Variants in MCCC1 observed in about 807,000 individuals in gnomAD.
MCCC1 encodes methylcrotonyl-CoA carboxylase subunit 1.
A neutral mutation model predicts 83.8 loss-of-function variants in MCCC1; 64 were observed. That is an observed-to-expected ratio of 0.76 (90% CI 0.62 to 0.94). MCCC1 has a LOEUF of 0.94. MCCC1 is among the 40% of genes least tolerant of loss of function. The pLI is 0.00. For synonymous variants in MCCC1, 322 were observed against 315.4 expected (o/e 1.02, Z -0.22); for missense variants, 807 against 904.7 (o/e 0.89, Z 1.39).
intron 1 of MCCC1, among the ~76,000 whole-genome samples, chr3:183,113,151 G>A: frequency 6.6e-6 from 1 of 150,574 alleles, no homozygotes; most frequent in Non-Finnish European, 1.5e-5. Flanking sequence ...TTGAACCCGG[G>A]AGGCAGAGAT....
intron 7 of MCCC1, among the ~76,000 whole-genome samples, chr3:183,058,114 C>CA (rs140309171): frequency 6.6e-6 from 1 of 152,092 alleles, no homozygotes; most frequent in East Asian, 1.9e-4. Flanking sequence ...TTGACTACAT[C>CA]AAAATTACAA....
chr3:183,050,623 T>C (rs1714894487), intron 9 of MCCC1, among the ~76,000 whole-genome samples: 1 of 150,852 alleles, frequency 6.6e-6, no homozygotes, highest in Non-Finnish European at 1.5e-5. Context: ...GGAGAATCAT[T>C]TGAACCTGGG....
At chr3:183,022,651 C>T in intron 15 of MCCC1, 97 bp from the exon 16 acceptor site, 2 of 1,100,062 alleles carry the variant, frequency 1.8e-6, no homozygotes, top group East Asian at 5.2e-5. Context: ...AGTTTTAAAA[C>T]ATAAAATGTG....
chr3:183,105,280 G>T (rs895010758), intron 1 of MCCC1, among the ~76,000 whole-genome samples: 1 of 152,126 alleles, frequency 6.6e-6, no homozygotes. Context: ...GGAGGTAAAG[G>T]TTGCAGTGAG....
At chr3:183,052,466 G>C (rs886301818) in intron 8 of MCCC1, among the ~76,000 whole-genome samples, 5 of 152,158 alleles carry the variant, frequency 3.3e-5, no homozygotes, top group African/African-American at 1.2e-4. Flanking sequence ...CATGTGTTTT[G>C]TGGTGAGGCT....
intron 1 of MCCC1, among the ~76,000 whole-genome samples, chr3:183,097,265 T>G (rs1307906754): frequency 1.3e-5 from 2 of 151,490 alleles, no homozygotes; most frequent in Non-Finnish European, 2.9e-5. Flanking sequence ...AAAAAGAAGC[T>G]GCTTCCCTGA....
At position 183,015,285 on chromosome 3, in the gene MCCC1, A is replaced by G; in HGVS notation, c.*153T>C. The G allele has an allele frequency of 2.5e-6, 2 of 795,452 alleles. No homozygotes were observed. The highest frequency in any genetic ancestry group is 4.4e-6 in the Non-Finnish European group (2 of 453,542). 49.3% of individuals were successfully genotyped at this position (795,452 alleles called of 1,614,324 possible). On this transcript the variant is annotated 3_prime_UTR_variant, in exon 19 of 19. Coordinates refer to ENST00000265594, the MANE Select transcript of MCCC1 (RefSeq NM_020166.5). ...TATTTTGAGATAATTAGTGACCCAAATGCATGATTCTCCAATATGAAAGGT... is the reference window on the plus strand; with the variant it reads ...TATTTTGAGATAATTAGTGACCCAAGTGCATGATTCTCCAATATGAAAGGT...
chr3:183,114,257 T>C lies in MCCC1; in HGVS notation c.-102+1217A>G, dbSNP rs1719551765. Among the ~76,000 whole-genome samples, 4 of 152,202 alleles carry C rather than the reference T, an allele frequency of 2.6e-5. No homozygotes were observed. In the South Asian group the frequency reaches 8.3e-4, roughly 32 times the overall value. ...TGTAACCATTTATCCTTTTACCTTT[T>C]TGACTACTTAACTTCTGTAAAATTG... On this transcript the variant is annotated intron_variant, in intron 1 of 17. Coordinates refer to the MCCC1 transcript ENST00000492597.
At position 183,037,308 on chromosome 3, in the gene MCCC1, C is replaced by G. The variant is rs753826892; in HGVS notation, c.1504G>C (p.Ala502Pro). The change falls in exon 13 of 19, where the codon GCT becomes CCT. Residue 502 changes from alanine (A) to proline (P), a missense_variant. By Grantham distance (27) the Ala-to-Pro change is conservative (BLOSUM62 -1). Coordinates refer to ENST00000265594, the MANE Select transcript of MCCC1 (RefSeq NM_020166.5). The stretch of plus-strand genomic sequence containing the variant: ...TGGCATAAAGACTCTTTGGCTGCAG[C>G]CTTCCGACTGAGCAACAACTGTTTG... ...HHKQLLLSRK[A>P]AAKESLCQAA... is the part of the protein sequence containing the mutation. 3.7e-6 allele frequency: 6 copies of G among 1,613,998 alleles called. No individual in the cohort carries two copies. The highest frequency in any genetic ancestry group is 3.3e-5 in the South Asian group (3 of 91,092).
chr3:183,071,195 C>A lies in MCCC1; in HGVS notation c.639+15G>T. 6.2e-7 allele frequency: 1 copy of A among 1,614,104 alleles called. No individual in the cohort carries two copies. Among genetic ancestry groups the A allele is most frequent in the Non-Finnish European group, 8.5e-7 (1 of 1,179,972 alleles). On this transcript the variant is annotated intron_variant, in intron 6 of 18. Coordinates refer to ENST00000265594, the MANE Select transcript of MCCC1 (RefSeq NM_020166.5). The stretch of plus-strand genomic sequence containing the variant: ...ACAAGCCTGAATTGGCAAACACAAG[C>A]ATGCACAATCTTACTTTTCCTCCTC...
rs1713773936 is a variant in MCCC1, at chr3:183,038,097, T to G, written c.1378-663A>C. ...AAGTGCCAGGCTCTGATCCAGGCAC[T>G]GGGGACATAGTGAGGAACAAAACAT... On this transcript the variant is annotated intron_variant, in intron 12 of 18. Transcript: ENST00000265594. 2.0e-5 allele frequency among the ~76,000 whole-genome samples: 3 copies of G among 152,222 alleles called. No individual in the cohort carries two copies. In the South Asian group the frequency reaches 6.2e-4, roughly 32 times the overall value.
chr3:183,044,330 T>C (rs1375115126), intron 10 of MCCC1, among the ~76,000 whole-genome samples: 2 of 152,238 alleles, frequency 1.3e-5, no homozygotes, highest in Non-Finnish European at 2.9e-5. Context: ...TTGAGAAGTA[T>C]GTTTTGTGGA....
Position 183,041,598 on chromosome 3 carries a change from A to C in MCCC1, c.1236T>G (p.Pro412=), listed in dbSNP as rs1714087455. The part of the protein sequence containing the change: ...LVHLSTPRAD[P]STRIETGVRQ... ...GTACTCCAGTTTCAATCCTGGTGGA[A>C]GGGTCTGCTCGAGGAGTAGAGAGGT... Residue 412 remains proline (P), a synonymous_variant, in exon 11 of 19, where the codon CCT becomes CCG. Transcript: ENST00000265594. 1 of 1,614,102 alleles carries C rather than the reference A, an allele frequency of 6.2e-7. No individual in the cohort carries two copies. Among genetic ancestry groups the C allele is most frequent in the Admixed American group, 1.7e-5 (1 of 60,006 alleles).
intron 4 of MCCC1, among the ~76,000 whole-genome samples, chr3:183,077,928 C>G (rs1017486477): frequency 6.6e-6 from 1 of 152,170 alleles, no homozygotes; most frequent in Non-Finnish European, 1.5e-5. Flanking sequence ...AATCAATTGA[C>G]TACATATGTG....
rs560103572 is a variant in MCCC1, at chr3:183,082,324, T to C, written c.369+4369A>G. Reference sequence around the variant, plus strand: ...AAGTACCTGTAATAAAGTTCCTAACTCTTGGTAGCACATGAAAAAAAAATG... The same window carrying C: ...AAGTACCTGTAATAAAGTTCCTAACCCTTGGTAGCACATGAAAAAAAAATG... On this transcript the variant is annotated intron_variant, in intron 4 of 18. Coordinates refer to ENST00000265594, the MANE Select transcript of MCCC1 (RefSeq NM_020166.5). Among the ~76,000 whole-genome samples, 58 of 152,294 alleles carry C rather than the reference T, an allele frequency of 3.8e-4. 1 individual carries two copies. Among genetic ancestry groups the C allele is most frequent in the African/African-American group, 1.4e-3 (58 of 41,556 alleles).
upstream of MCCC1, among the ~76,000 whole-genome samples, chr3:183,104,141 C>T (rs34157814): frequency 6.6e-6 from 1 of 152,250 alleles, no homozygotes. Context: ...CCACACCTCC[C>T]TGCAAGCTGA....
At chr3:183,036,337 C>T (rs1030404604) in intron 13 of MCCC1, among the ~76,000 whole-genome samples, 4 of 151,878 alleles carry the variant, frequency 2.6e-5, no homozygotes, top group African/African-American at 9.7e-5. Flanking sequence ...GGAAGTAATT[C>T]GACAATAAGT....
chr3:183,016,909 C>T (rs193142157), intron 18 of MCCC1, among the ~76,000 whole-genome samples: 3 of 152,340 alleles, frequency 2.0e-5, no homozygotes, highest in African/African-American at 7.2e-5. Context: ...ATAATACCAA[C>T]AGTTAACATT....
At chr3:183,044,676 G>A (rs1023649754) in intron 10 of MCCC1, among the ~76,000 whole-genome samples, 1 of 152,138 alleles carries the variant, frequency 6.6e-6, no homozygotes, top group African/African-American at 2.4e-5. Flanking sequence ...TGACCTTGAG[G>A]TGATGTGGTT....
Sources: allele counts gnomAD v4.1 joint callset (sites outside exome capture counted in the v4.1 genomes callset), GRCh38; gene constraint gnomAD v4.1.1; transcripts MANE v1.5; gene names NCBI Gene and HGNC (gene_info 2026-07-23, HGNC 2026-07-21).